Variants in CREB3L2 observed in about 807,000 individuals in gnomAD.
The protein encoded by CREB3L2 is cyclic AMP-responsive element-binding protein 3-like protein 2.
Under a neutral mutation model 57.2 loss-of-function variants are expected in CREB3L2, and 23 were observed. The observed-to-expected ratio is 0.40, with a 90% CI of 0.29 to 0.57. The LOEUF is 0.57. CREB3L2 is among the 20% of genes least tolerant of loss of function. The pLI is 0.42. For missense variants in CREB3L2, 628 were observed against 634.7 expected, an observed-to-expected ratio of 0.99 and a Z score of 0.11; for synonymous variants, 268 against 265.1, an observed-to-expected ratio of 1.01 and a Z score of -0.11.
intron 6 of CREB3L2, among the ~76,000 whole-genome samples, chr7:137,904,615 C>T (rs1455749762): frequency 6.6e-6 from 1 of 151,452 alleles, no homozygotes; most frequent in Non-Finnish European, 1.5e-5. Flanking sequence ...AGTGAGCTGA[C>T]ATTGTGCCAC....
At chr7:137,883,933 C>T (rs138146058) in intron 10 of CREB3L2, among the ~76,000 whole-genome samples, 19 of 152,302 alleles carry the variant, frequency 1.2e-4, no homozygotes, top group African/African-American at 2.9e-4. Flanking sequence ...GAACACCATA[C>T]GCTTCTTATC....
At chr7:137,999,062 T>C (rs2117338387) in intron 1 of CREB3L2, among the ~76,000 whole-genome samples, 1 of 149,732 alleles carries the variant, frequency 6.7e-6, no homozygotes, top group South Asian at 2.2e-4. Flanking sequence ...CCAGAGTTTA[T>C]AAGACAAATA....
Position 137,901,387 on chromosome 7 carries a change from C to T in CREB3L2, c.1010G>A (p.Arg337Gln), listed in dbSNP as rs373505240. Reference sequence around the variant, plus strand: ...GTTCTCTAGAACCTCTACCTTCTTCCGAAGCTCCAAGTTCTCAGTTGAACA... The same window carrying T: ...GTTCTCTAGAACCTCTACCTTCTTCTGAAGCTCCAAGTTCTCAGTTGAACA... ...ESCSTENLELRKKVEVLENTN... is the reference protein window; with the variant it reads ...ESCSTENLELQKKVEVLENTN... The change falls in exon 8 of 12, where the codon CGG becomes CAG. Residue 337 changes from arginine to glutamine, a missense_variant. This residue lies in a region of CREB3L2 where 272 missense variants were observed against 242.7 expected (regional missense o/e 1.12). Transcript: ENST00000330387. 7 of 1,608,994 alleles carry T rather than the reference C, an allele frequency of 4.4e-6. No homozygotes were observed. The Admixed American group carries it at 8.3e-5, about 19-fold the overall frequency.
chr7:137,989,555 ACT>A (rs753952824), intron 1 of CREB3L2, among the ~76,000 whole-genome samples: 7 of 144,002 alleles, frequency 4.9e-5, no homozygotes, highest in African/African-American at 7.8e-5. Flanking sequence ...CCTCCCTCTC[ACT>A]CTAACCTTTC....
At chr7:137,908,532 T>C in intron 4 of CREB3L2, 96 bp from the exon 5 acceptor site, 1 of 827,182 alleles carries the variant, frequency 1.2e-6, no homozygotes, top group Non-Finnish European at 1.6e-6. Flanking sequence ...GGGGCCTCCA[T>C]GAGCTGACCT....
intron 1 of CREB3L2, among the ~76,000 whole-genome samples, chr7:138,000,404 G>A (rs1041238205): frequency 6.6e-6 from 1 of 152,148 alleles, no homozygotes; most frequent in Non-Finnish European, 1.5e-5. Context: ...CTGAACATCT[G>A]GCTTTTGCCC....
chr7:137,922,378 A>ATATGTG (rs1800304819), intron 2 of CREB3L2, among the ~76,000 whole-genome samples: 1 of 31,786 alleles, frequency 3.1e-5, no homozygotes, highest in Non-Finnish European at 5.0e-5. Context: ...TACTATATAT[A>ATATGTG]TATATGTATA....
intron 1 of CREB3L2, among the ~76,000 whole-genome samples, chr7:137,966,679 T>C (rs1801412563): frequency 6.6e-6 from 1 of 152,188 alleles, no homozygotes; most frequent in Non-Finnish European, 1.5e-5. Context: ...AGAAAAATCG[T>C]AGGTAGAAAG....
chr7:137,933,253 T>C (rs1800696912), intron 1 of CREB3L2, among the ~76,000 whole-genome samples: 1 of 152,204 alleles, frequency 6.6e-6, no homozygotes. Flanking sequence ...CCACAGTCCC[T>C]GCATTTCCAA....
At chr7:137,957,294 CCTTCT>C (rs1223019991) in intron 1 of CREB3L2, among the ~76,000 whole-genome samples, 4 of 152,224 alleles carry the variant, frequency 2.6e-5, no homozygotes, top group African/African-American at 9.7e-5. Context: ...TCACACATTT[CCTTCT>C]CTTAACACAT....
chr7:137,931,108 T>C (rs1183204735), intron 1 of CREB3L2, among the ~76,000 whole-genome samples: 3 of 151,844 alleles, frequency 2.0e-5, no homozygotes, highest in Non-Finnish European at 4.4e-5. Flanking sequence ...GGTGCACGCC[T>C]GTAGTCCTAG....
chr7:137,961,863 A>G (rs1038035149), intron 1 of CREB3L2, among the ~76,000 whole-genome samples: 1 of 151,972 alleles, frequency 6.6e-6, no homozygotes, highest in Non-Finnish European at 1.5e-5. Flanking sequence ...CTCATGACCC[A>G]TGCCCTCTTC....
At chr7:137,922,416 G>GTGTA (rs1800329491) in intron 2 of CREB3L2, among the ~76,000 whole-genome samples, 1 of 17,230 alleles carries the variant, frequency 5.8e-5, no homozygotes, top group African/African-American at 1.4e-4. Context: ...ATATATATAT[G>GTGTA]TATATATATA....
intron 3 of CREB3L2, among the ~76,000 whole-genome samples, chr7:137,915,525 A>G (rs999802292): frequency 7.9e-5 from 12 of 152,192 alleles, no homozygotes; most frequent in Middle Eastern, 3.4e-3. Flanking sequence ...CACTGCTTAA[A>G]AATCAGTGCC....
chr7:137,974,155 G>C (rs4732276), intron 1 of CREB3L2, among the ~76,000 whole-genome samples: 19,689 of 152,160 alleles, frequency 0.13, 1,531 homozygotes, highest in Admixed American at 0.25. Flanking sequence ...ATTCCTGAGA[G>C]CTGGGTACTG....
rs1799129273 is a variant in CREB3L2 at position 137,875,559 on chromosome 7, G to A, written c.*4917C>T. 2 of 223,940 alleles carry A rather than the reference G, an allele frequency of 8.9e-6. No individual in the cohort carries two copies. The highest frequency in any genetic ancestry group is 1.8e-5 in the Non-Finnish European group (2 of 112,052). The allele number at this position is 223,940 out of a possible 1,614,324, so 13.9% of individuals were successfully genotyped here. A position where few individuals can be genotyped will look rare whatever the true frequency, so the allele number is the denominator to read the frequency against. The stretch of plus-strand genomic sequence containing the variant: ...AAAAGATAGGAGATGGACACCTGGG[G>A]GACTGCTCCAGCACGAAGGGAAGCG... On this transcript the variant is annotated 3_prime_UTR_variant, in exon 12 of 12. Transcript: ENST00000330387.
chr7:137,996,846 G>A (rs1200096988), intron 1 of CREB3L2, among the ~76,000 whole-genome samples: 1 of 152,170 alleles, frequency 6.6e-6, no homozygotes, highest in African/African-American at 2.4e-5. Flanking sequence ...TAGGAATTCT[G>A]CATTTTAAAC....
chr7:137,899,363 G>C (rs1799705979), intron 8 of CREB3L2, among the ~76,000 whole-genome samples: 1 of 152,232 alleles, frequency 6.6e-6, no homozygotes, highest in Non-Finnish European at 1.5e-5. Context: ...ACTCCAAGGA[G>C]GTCTTTGCTC....
chr7:137,972,320 C>G (rs886505614), intron 1 of CREB3L2, among the ~76,000 whole-genome samples: 4 of 151,968 alleles, frequency 2.6e-5, no homozygotes, highest in Non-Finnish European at 4.4e-5. Context: ...CACCTATAAT[C>G]CCAGCTACTT....
Sources: allele counts gnomAD v4.1 joint callset (sites outside exome capture counted in the v4.1 genomes callset), GRCh38; gene constraint gnomAD v4.1.1; regional missense constraint gnomAD v4.1.1; transcripts MANE v1.5; gene names NCBI Gene and HGNC (gene_info 2026-07-23, HGNC 2026-07-21).